The following MITF variants were observed in gnomAD, a reference collection of about 807,000 sequenced individuals.
MITF encodes the protein microphthalmia-associated transcription factor.
In MITF, 17 loss-of-function variants were observed where a neutral mutation model predicts 60.5. The ratio of observed to expected loss-of-function variants is 0.28; its 90% CI spans 0.19 to 0.42. MITF has a LOEUF of 0.42. MITF is among the 10% of genes least tolerant of loss of function. The probability of loss-of-function intolerance (pLI) is 1.00; values close to 1 mark genes in which losing one functional copy is unlikely to be tolerated. For missense variants in MITF, 622 were observed against 683.5 expected (o/e 0.91, Z 1.00); for synonymous variants, 260 against 248.5 (o/e 1.05, Z -0.43).
At chr3:69,849,751 C>T (rs1436226100) in intron 1 of MITF, among the ~76,000 whole-genome samples, 2 of 152,162 alleles carry the variant, frequency 1.3e-5, no homozygotes, top group African/African-American at 4.8e-5. Flanking sequence ...GGGCCTGTTG[C>T]CTCTCCCTAC....
At chr3:69,827,992 A>G (rs1575776787) in intron 1 of MITF, among the ~76,000 whole-genome samples, 2 of 152,350 alleles carry the variant, frequency 1.3e-5, no homozygotes, top group Non-Finnish European at 2.9e-5. Flanking sequence ...TCAAAGTAAG[A>G]GTTGACTTCT....
chr3:69,844,215 T>G lies in MITF; in HGVS notation c.105-34919T>G, dbSNP rs113320327. Among the ~76,000 whole-genome samples the G allele has an allele frequency of 3.1e-3, 473 of 152,302 alleles. 1 individual carries two copies. The highest frequency in any genetic ancestry group is 0.011 in the African/African-American group (437 of 41,564). ...GCTGCAATAAACATACATGTGCATG[T>G]GTCCTTGTAGTAGAACTATAGTAAC... On this transcript the variant is annotated intron_variant, in intron 1 of 9. Coordinates refer to ENST00000352241, the MANE Select transcript of MITF (RefSeq NM_001354604.2).
chr3:69,760,033 A>C (rs944131367), intron 1 of MITF, among the ~76,000 whole-genome samples: 22 of 152,172 alleles, frequency 1.4e-4, no homozygotes, highest in African/African-American at 5.1e-4. Context: ...CCGCCTTGGC[A>C]TCACAAAGTG....
intron 2 of MITF, among the ~76,000 whole-genome samples, chr3:69,881,339 A>G (rs1044451091): frequency 1.3e-5 from 2 of 152,124 alleles, no homozygotes; most frequent in African/African-American, 4.8e-5. Flanking sequence ...TTTCAGTTAT[A>G]TAAACTAGTA....
chr3:69,904,238 T>A (rs150737269), intron 2 of MITF, among the ~76,000 whole-genome samples: 19 of 152,234 alleles, frequency 1.2e-4, no homozygotes, highest in Admixed American at 3.3e-4. Context: ...GATACACTAG[T>A]GAACAAAAGA....
At chr3:69,773,136 G>A (rs1273734583) in intron 1 of MITF, among the ~76,000 whole-genome samples, 3 of 152,096 alleles carry the variant, frequency 2.0e-5, no homozygotes, top group Non-Finnish European at 4.4e-5. Context: ...GTATTTGGGG[G>A]CAAAGCACAG....
chr3:69,807,951 T>C (rs911611297), intron 1 of MITF, among the ~76,000 whole-genome samples: 2 of 151,342 alleles, frequency 1.3e-5, no homozygotes, highest in Non-Finnish European at 2.9e-5. Context: ...TTTTGCCTGA[T>C]GTACATATGT....
At chr3:69,771,636 C>A (rs565771746) in intron 1 of MITF, among the ~76,000 whole-genome samples, 11 of 152,204 alleles carry the variant, frequency 7.2e-5, no homozygotes, top group Non-Finnish European at 1.3e-4. Context: ...GTAAGTGTTA[C>A]CATTGCAGTA....
At position 69,965,110 on chromosome 3, in the gene MITF, G is replaced by A. The variant is rs150213411; in HGVS notation, c.1443G>A (p.Leu481=). Residue 481 remains leucine (L), a synonymous_variant, in exon 10 of 10, where the codon CTG becomes CTA. Coordinates refer to ENST00000352241, the MANE Select transcript of MITF (RefSeq NM_001354604.2). ...YSVPTKMGSK[L]EDILMDDTLS... ...TCCCCACAAAAATGGGATCCAAACT[G>A]GAAGACATCCTGATGGACGACACCC... is the stretch of plus-strand genomic sequence containing the variant. 4.0e-5 allele frequency: 65 copies of A among 1,613,960 alleles called. No individual in the cohort carries two copies. In the African/African-American group the frequency reaches 8.4e-4, roughly 21 times the overall value.
intron 1 of MITF, among the ~76,000 whole-genome samples, chr3:69,783,986 G>A (rs1343604302): frequency 6.6e-6 from 1 of 152,138 alleles, no homozygotes; most frequent in Admixed American, 6.6e-5. Context: ...CCTCTTTCCT[G>A]TCTCTCTTTC....
intron 2 of MITF, among the ~76,000 whole-genome samples, chr3:69,927,365 G>A (rs180701058): frequency 9.2e-5 from 14 of 152,194 alleles, no homozygotes; most frequent in Admixed American, 4.6e-4. Flanking sequence ...ACCGGAGCCT[G>A]TTGAGGGGTG....
chr3:69,792,722 T>C (rs2062760304), intron 1 of MITF, among the ~76,000 whole-genome samples: 1 of 152,148 alleles, frequency 6.6e-6, no homozygotes, highest in Admixed American at 6.6e-5. Flanking sequence ...AATCAGTACA[T>C]TTAGCTCAAA....
At chr3:69,919,293 T>G (rs1266038539) in intron 2 of MITF, among the ~76,000 whole-genome samples, 1 of 152,230 alleles carries the variant, frequency 6.6e-6, no homozygotes, top group Non-Finnish European at 1.5e-5. Context: ...TTATTTGTCA[T>G]GGGTATCATT....
At chr3:69,802,976 C>A (rs2062946981) in intron 1 of MITF, among the ~76,000 whole-genome samples, 1 of 151,982 alleles carries the variant, frequency 6.6e-6, no homozygotes, top group South Asian at 2.1e-4. Context: ...GGGGTTTCTC[C>A]ATGTTGGTCA....
intron 1 of MITF, among the ~76,000 whole-genome samples, chr3:69,828,055 A>G (rs1404734587): frequency 6.6e-6 from 1 of 152,184 alleles, no homozygotes; most frequent in Non-Finnish European, 1.5e-5. Flanking sequence ...TTACCTTTCT[A>G]TACAGTTGGC....
rs145868236 is a variant in MITF at position 69,802,041 on chromosome 3, G to C, written c.104+62340G>C. ...AATTTAATTATTACAACCATTACTT[G>C]AGGAAAGTGGTATTGTACACATTTT... On this transcript the variant is annotated intron_variant, in intron 1 of 9. Coordinates refer to ENST00000352241, the MANE Select transcript of MITF (RefSeq NM_001354604.2). Among the ~76,000 whole-genome samples the C allele has an allele frequency of 5.8e-3, 886 of 152,182 alleles. 3 individuals are homozygous for C. The highest frequency in any genetic ancestry group is 8.1e-3 in the Non-Finnish European group (553 of 68,004).
At chr3:69,777,667 T>C (rs964397379) in intron 1 of MITF, among the ~76,000 whole-genome samples, 4 of 152,124 alleles carry the variant, frequency 2.6e-5, no homozygotes, top group African/African-American at 9.7e-5. Flanking sequence ...GAAGTGCTGA[T>C]GAAATTCCTA....
intron 1 of MITF, among the ~76,000 whole-genome samples, chr3:69,850,638 G>A (rs1319144865): frequency 1.3e-5 from 2 of 152,162 alleles, no homozygotes; most frequent in African/African-American, 4.8e-5. Flanking sequence ...TAGAACCGAT[G>A]TGCTGTCATT....
chr3:69,779,895 G>C (rs1387400309), intron 1 of MITF, among the ~76,000 whole-genome samples: 1 of 152,106 alleles, frequency 6.6e-6, no homozygotes, highest in East Asian at 1.9e-4. Flanking sequence ...TGTTAAGTGG[G>C]TTGTCCTAGT....
Sources: gnomAD v4.1 joint callset for allele counts (sites outside exome capture counted in the v4.1 genomes callset) on GRCh38, gnomAD v4.1.1 for gene constraint, MANE v1.5 for transcripts, NCBI Gene and HGNC (gene_info 2026-07-23, HGNC 2026-07-21) for gene names.